Variants in CNBD1 observed in about 807,000 individuals in gnomAD.
CNBD1 encodes cyclic nucleotide binding domain containing 1, also known as cyclic nucleotide-binding domain-containing protein 1.
In CNBD1, 71 loss-of-function variants were observed where a neutral mutation model predicts 54.4. The ratio of observed to expected loss-of-function variants is 1.30; its 90% CI spans 1.08 to 1.59. The LOEUF is 1.59. Ranked by LOEUF, CNBD1 falls within the 40% of genes most tolerant of loss-of-function variation. The pLI, the probability that CNBD1 is intolerant of heterozygous loss-of-function variation, is 0.00. For synonymous variants in CNBD1, 182 were observed against 170.7 expected (o/e 1.07, Z -0.51); for missense variants, 659 against 518.0 (o/e 1.27, Z -2.64).
At chr8:86,908,785 T>TC (rs1809055855) in intron 3 of CNBD1, among the ~76,000 whole-genome samples, 1 of 116,552 alleles carries the variant, frequency 8.6e-6, no homozygotes, top group African/African-American at 3.5e-5. Context: ...ATAAGAATTC[T>TC]TTTTTTTTTT....
chr8:87,424,255 T>A (rs904733856), intron 2 of CNBD1, among the ~76,000 whole-genome samples: 2 of 152,038 alleles, frequency 1.3e-5, no homozygotes, highest in East Asian at 3.9e-4. Context: ...TTTTGAAGGG[T>A]TTTTTGTGTC....
chr8:86,937,386 C>G (rs973890503), intron 3 of CNBD1, among the ~76,000 whole-genome samples: 18 of 152,064 alleles, frequency 1.2e-4, no homozygotes, highest in African/African-American at 4.3e-4. Flanking sequence ...TGACTCTGGC[C>G]CCTCCAAAAT....
intron 8 of CNBD1, among the ~76,000 whole-genome samples, chr8:87,333,119 A>T (rs960338785): frequency 2.0e-5 from 3 of 151,906 alleles, no homozygotes; most frequent in Admixed American, 6.6e-5. Flanking sequence ...TAGGTATTTT[A>T]TTCTCTTCAT....
At chr8:86,978,645 C>T (rs1808399556) in intron 4 of CNBD1, among the ~76,000 whole-genome samples, 1 of 143,404 alleles carries the variant, frequency 7.0e-6, no homozygotes, top group African/African-American at 2.6e-5. Context: ...CGGGTTCAAG[C>T]AATTCTCCTG....
At chr8:87,089,377 A>G (rs1811162249) in intron 4 of CNBD1, among the ~76,000 whole-genome samples, 1 of 152,134 alleles carries the variant, frequency 6.6e-6, no homozygotes, top group African/African-American at 2.4e-5. Flanking sequence ...AGGCATAGAA[A>G]AAAATCTAAT....
chr8:87,162,979 T>G lies in CNBD1; in HGVS notation c.432-43014T>G, dbSNP rs138153076. ...TTTGTCTCATTTTTCCTTTCTGCTT[T>G]CTGCACCATGTGGGGCCCAGCATTC... On this transcript the variant is annotated intron_variant, in intron 4 of 10. Coordinates refer to ENST00000518476, the MANE Select transcript of CNBD1 (RefSeq NM_173538.3). 2.9e-3 allele frequency among the ~76,000 whole-genome samples: 446 copies of G among 152,210 alleles called. 4 individuals are homozygous for G. Among genetic ancestry groups the G allele is most frequent in the African/African-American group, 0.01 (423 of 41,554 alleles).
At chr8:87,276,893 T>C (rs779620456) in intron 6 of CNBD1, among the ~76,000 whole-genome samples, 3 of 151,518 alleles carry the variant, frequency 2.0e-5, no homozygotes, top group Non-Finnish European at 2.9e-5. Context: ...GCACCATGAA[T>C]CTGAGTTTAG....
intron 5 of CNBD1, among the ~76,000 whole-genome samples, chr8:87,226,190 A>C (rs1049936648): frequency 2.0e-5 from 3 of 151,822 alleles, no homozygotes; most frequent in Admixed American, 6.6e-5. Flanking sequence ...TCAAAAAACC[A>C]GCTCCTGGAT....
chr8:87,151,569 T>C (rs554525864), intron 4 of CNBD1, among the ~76,000 whole-genome samples: 2 of 152,280 alleles, frequency 1.3e-5, no homozygotes, highest in Admixed American at 6.5e-5. Context: ...CCCTAGCCAC[T>C]CTGGGGCTAT....
At chr8:87,214,420 A>T (rs1814163829) in intron 5 of CNBD1, among the ~76,000 whole-genome samples, 1 of 152,020 alleles carries the variant, frequency 6.6e-6, no homozygotes, top group Admixed American at 6.6e-5. Flanking sequence ...CTTAGCCTGG[A>T]TTTTATTGTC....
intron 8 of CNBD1, among the ~76,000 whole-genome samples, chr8:87,289,829 A>G (rs981667882): frequency 1.3e-5 from 2 of 152,046 alleles, no homozygotes; most frequent in African/African-American, 2.4e-5. Context: ...CTCTTCAGGG[A>G]ATCAAAAGTC....
At chr8:86,940,993 C>T (rs1201736484) in intron 4 of CNBD1, among the ~76,000 whole-genome samples, 1 of 152,124 alleles carries the variant, frequency 6.6e-6, no homozygotes, top group Non-Finnish European at 1.5e-5. Flanking sequence ...TAAGTGTACT[C>T]TATGATGTTT....
intron 3 of CNBD1, among the ~76,000 whole-genome samples, chr8:86,934,242 A>G (rs1235368671): frequency 1.3e-5 from 2 of 152,256 alleles, no homozygotes; most frequent in South Asian, 2.1e-4. Context: ...ATAAATTTTC[A>G]TATTATTTTT....
intron 5 of CNBD1, among the ~76,000 whole-genome samples, chr8:87,226,762 G>C (rs1814507980): frequency 6.6e-6 from 1 of 151,692 alleles, no homozygotes; most frequent in South Asian, 2.1e-4. Flanking sequence ...AGGTCCGCTT[G>C]GTGCAGAGCT....
At chr8:87,301,386 A>G (rs997326242) in intron 8 of CNBD1, among the ~76,000 whole-genome samples, 1 of 152,174 alleles carries the variant, frequency 6.6e-6, no homozygotes, top group Non-Finnish European at 1.5e-5. Flanking sequence ...AGGAAAAGAC[A>G]TAACCCAAAA....
chr8:87,255,963 G>A (rs7818537), intron 6 of CNBD1, among the ~76,000 whole-genome samples: 2 of 82,584 alleles, frequency 2.4e-5, no homozygotes, highest in Admixed American at 1.6e-4. Context: ...CATATGATTT[G>A]CAGCTACAAA....
intron 8 of CNBD1, among the ~76,000 whole-genome samples, chr8:87,339,464 C>T (rs1810020521): frequency 6.6e-6 from 1 of 152,084 alleles, no homozygotes. Flanking sequence ...TCTCCAATTT[C>T]TGGGGCAGTG....
chr8:87,324,637 A>G lies in CNBD1; in HGVS notation c.1043-27048A>G, dbSNP rs557381218. On this transcript the variant is annotated intron_variant, in intron 8 of 10. Transcript: ENST00000518476. ...TGATGGTAGTTTGTATTTCTGTGGG[A>G]TCAGTGGTGATATCCACTTTATCAT... 9.4e-3 allele frequency among the ~76,000 whole-genome samples: 1,419 copies of G among 151,314 alleles called. 19 individuals carry two copies. Among genetic ancestry groups the G allele is most frequent in the African/African-American group, 0.032 (1,298 of 41,032 alleles).
At chr8:87,174,021 C>T (rs1197366179) in intron 4 of CNBD1, among the ~76,000 whole-genome samples, 7 of 151,840 alleles carry the variant, frequency 4.6e-5, no homozygotes, top group South Asian at 2.1e-4. Flanking sequence ...TGCAGTGGCA[C>T]GATCTCGGCT....
Sources: gnomAD v4.1 joint callset for allele counts (sites outside exome capture counted in the v4.1 genomes callset) on GRCh38, gnomAD v4.1.1 for gene constraint, MANE v1.5 for transcripts, NCBI Gene and HGNC (gene_info 2026-07-23, HGNC 2026-07-21) for gene names.